UMAD1: variants seen among roughly 807,000 people sequenced by gnomAD.
UMAD1 encodes the protein UBAP1-MVB12-associated (UMA) domain containing 1, also known as UBAP1-MVB12-associated (UMA)-domain containing protein 1.
UMAD1 carries 8 observed loss-of-function variants against 6.1 expected under a neutral mutation model. The ratio of observed to expected loss-of-function variants is 1.30; its 90% CI spans 0.76 to 2.35. The LOEUF (loss-of-function observed/expected upper bound fraction) is 2.35, where lower values mean the gene tolerates loss of function less well. Ranked by LOEUF, UMAD1 falls within the 30% of genes most tolerant of loss-of-function variation. The probability of loss-of-function intolerance (pLI) is 0.00; values close to 1 mark genes in which losing one functional copy is unlikely to be tolerated. For missense variants in UMAD1, 130 were observed against 78.4 expected (o/e 1.66, Z -2.49); for synonymous variants, 56 against 31.4 (o/e 1.78, Z -2.61).
intron 2 of UMAD1, among the ~76,000 whole-genome samples, chr7:7,683,216 A>G (rs978998908): frequency 1.3e-5 from 2 of 152,174 alleles, no homozygotes; most frequent in African/African-American, 4.8e-5. Flanking sequence ...TTAGGGATCT[A>G]TCTCTCTGTG....
intron 2 of UMAD1, among the ~76,000 whole-genome samples, chr7:7,801,128 C>T (rs567906939): frequency 6.6e-6 from 1 of 152,292 alleles, no homozygotes; most frequent in South Asian, 2.1e-4. Flanking sequence ...AGGCACTAGC[C>T]TTAGGAATCA....
At chr7:7,642,407 C>A (rs1165328471) in intron 1 of UMAD1, among the ~76,000 whole-genome samples, 1 of 151,998 alleles carries the variant, frequency 6.6e-6, no homozygotes, top group African/African-American at 2.4e-5. Context: ...CTCCCTCCCC[C>A]GTCTCCCTCC....
At chr7:7,659,760 A>G (rs753020706) in intron 1 of UMAD1, among the ~76,000 whole-genome samples, 73 of 152,312 alleles carry the variant, frequency 4.8e-4, no homozygotes, top group Admixed American at 1.3e-3. Flanking sequence ...TGTGGTGCTG[A>G]GAAGAATGCA....
intron 2 of UMAD1, among the ~76,000 whole-genome samples, chr7:7,750,952 A>G (rs1781667019): frequency 6.6e-6 from 1 of 152,212 alleles, no homozygotes; most frequent in East Asian, 1.9e-4. Context: ...AATGACCCCC[A>G]TAATACTTTG....
At chr7:7,833,488 T>C (rs1422856975) in intron 3 of UMAD1, among the ~76,000 whole-genome samples, 2 of 152,082 alleles carry the variant, frequency 1.3e-5, no homozygotes, top group Non-Finnish European at 2.9e-5. Context: ...AGAAAGGTGC[T>C]TCTGTCTGCA....
At chr7:7,817,263 T>C (rs6943429) in intron 3 of UMAD1, among the ~76,000 whole-genome samples, 85,514 of 152,072 alleles carry the variant, frequency 0.56, 24,312 homozygotes, top group East Asian at 0.6. Flanking sequence ...CTTGTACATC[T>C]GACCAGGAGT....
chr7:7,698,388 C>G (rs911894577), intron 2 of UMAD1, among the ~76,000 whole-genome samples: 1 of 152,126 alleles, frequency 6.6e-6, no homozygotes, highest in African/African-American at 2.4e-5. Context: ...TTCAACCAAA[C>G]TGGTAGAAGT....
In UMAD1 at chr7:7,860,604, C is replaced by CAAAAAAAAAAAAAAAA. The variant is rs373823869; in HGVS notation, c.157-16670_157-16655dup. Reference sequence around the variant, plus strand: ...TGAAACCCTGTGTCTACTAAAAATACAAAAAAAAAAAAAAAAAAAAAATTA... The same window carrying CAAAAAAAAAAAAAAAA: ...TGAAACCCTGTGTCTACTAAAAATACAAAAAAAAAAAAAAAAAAAAAAAAAAAAAAAAAAAAAATTA... On this transcript the variant is annotated intron_variant, in intron 3 of 3. Coordinates refer to ENST00000682710, the MANE Select transcript of UMAD1 (RefSeq NM_001302348.2). 1.2e-3 allele frequency among the ~76,000 whole-genome samples: 117 copies of CAAAAAAAAAAAAAAAA among 93,778 alleles called. 2 individuals carry two copies. The highest frequency in any genetic ancestry group is 1.8e-3 in the Non-Finnish European group (88 of 48,228). 61.5% of individuals were successfully genotyped at this position (93,778 alleles called of 152,430 possible). A position where few individuals can be genotyped will look rare whatever the true frequency, so the allele number is the denominator to read the frequency against.
intron 2 of UMAD1, among the ~76,000 whole-genome samples, chr7:7,767,451 G>A (rs1583810392): frequency 2.0e-5 from 3 of 152,210 alleles, no homozygotes; most frequent in Admixed American, 2.0e-4. Context: ...AACAAAAGTA[G>A]GATTAAACAA....
intron 2 of UMAD1, among the ~76,000 whole-genome samples, chr7:7,727,933 C>A (rs577241248): frequency 6.6e-6 from 1 of 151,910 alleles, no homozygotes; most frequent in Non-Finnish European, 1.5e-5. Context: ...TTTTTATATA[C>A]GATTGTGTGA....
chr7:7,699,481 T>C (rs1022520412), intron 2 of UMAD1, among the ~76,000 whole-genome samples: 7 of 151,710 alleles, frequency 4.6e-5, no homozygotes, highest in African/African-American at 1.7e-4. Flanking sequence ...TGTTTAAAAA[T>C]AGTGGCACCA....
chr7:7,783,778 T>A (rs1309874364), intron 2 of UMAD1, among the ~76,000 whole-genome samples: 2 of 152,210 alleles, frequency 1.3e-5, no homozygotes, highest in African/African-American at 4.8e-5. Flanking sequence ...AAAACTGTTT[T>A]CATAGGCACC....
At chr7:7,719,098 T>TC (rs398003576) in intron 2 of UMAD1, among the ~76,000 whole-genome samples, 10 of 152,128 alleles carry the variant, frequency 6.6e-5, no homozygotes, top group East Asian at 5.8e-4. Flanking sequence ...ACTGTTTTTT[T>TC]CTGCATTTTT....
chr7:7,845,065 G>T (rs1191513558), intron 3 of UMAD1, among the ~76,000 whole-genome samples: 2 of 151,952 alleles, frequency 1.3e-5, no homozygotes, highest in African/African-American at 4.8e-5. Flanking sequence ...AGTCACATGT[G>T]GCTATTGAAC....
At chr7:7,649,418 G>A (rs1299976775) in intron 1 of UMAD1, among the ~76,000 whole-genome samples, 1 of 152,136 alleles carries the variant, frequency 6.6e-6, no homozygotes, top group Non-Finnish European at 1.5e-5. Flanking sequence ...TGAGGTCAGA[G>A]CTCTCATAAC....
intron 1 of UMAD1, among the ~76,000 whole-genome samples, chr7:7,642,487 G>C (rs889303553): frequency 2.0e-5 from 3 of 150,796 alleles, no homozygotes; most frequent in African/African-American, 4.9e-5. Context: ...TTTTTTTAAA[G>C]AGCACTCCTG....
At chr7:7,808,375 A>T (rs191289836) in intron 3 of UMAD1, among the ~76,000 whole-genome samples, 6 of 152,080 alleles carry the variant, frequency 3.9e-5, no homozygotes, top group East Asian at 3.9e-4. Flanking sequence ...CTCTTAAGAG[A>T]ATAAACATTA....
At chr7:7,729,264 A>C (rs1416242790) in intron 2 of UMAD1, among the ~76,000 whole-genome samples, 6 of 152,326 alleles carry the variant, frequency 3.9e-5, no homozygotes, top group Non-Finnish European at 8.8e-5. Context: ...CTCGGGAGTT[A>C]GGCAGACCCT....
intron 2 of UMAD1, chr7:7,741,033 G>C (rs1446351624): frequency 6.6e-6 from 1 of 152,206 alleles, no homozygotes; most frequent in East Asian, 1.9e-4. Context: ...TTCTTGCAAA[G>C]CCTGACTTTT....
Sources: allele counts gnomAD v4.1 joint callset (sites outside exome capture counted in the v4.1 genomes callset), GRCh38; gene constraint gnomAD v4.1.1; transcripts MANE v1.5; gene names NCBI Gene and HGNC (gene_info 2026-07-23, HGNC 2026-07-21).